MPC1: variants seen among roughly 807,000 people sequenced by gnomAD.
MPC1 encodes the protein mitochondrial pyruvate carrier 1.
MPC1 carries 6 observed loss-of-function variants against 13.9 expected under a neutral mutation model. The ratio of observed to expected loss-of-function variants is 0.43; its 90% CI spans 0.24 to 0.85. MPC1 has a LOEUF of 0.85. Among genes scored for constraint, MPC1 ranks in the 40% least tolerant of loss-of-function variants. The pLI, the probability that MPC1 is intolerant of heterozygous loss-of-function variation, is 0.24. For synonymous variants in MPC1, 47 were observed against 50.5 expected, an observed-to-expected ratio of 0.93 and a Z score of 0.29; for missense variants, 115 against 143.3, an observed-to-expected ratio of 0.80 and a Z score of 1.01.
In MPC1 at chr6:166,366,668, C is replaced by T. The variant is rs1779167094; in HGVS notation, c.172+127G>A. ...CTGACATAGAGAAGTAACACTCTTC[C>T]ATGCCATCACATTCTGTATGTGACT... is the stretch of plus-strand genomic sequence containing the variant. On this transcript the variant is annotated intron_variant, in intron 3 of 4. Coordinates refer to ENST00000360961, the MANE Select transcript of MPC1 (RefSeq NM_016098.4). 3.6e-6 allele frequency: 3 copies of T among 838,040 alleles called. No homozygotes were observed. In the African/African-American group the frequency reaches 5.1e-5, roughly 14 times the overall value. The allele number at this position is 838,040 out of a possible 1,614,324, so 51.9% of individuals were successfully genotyped here. A position where few individuals can be genotyped will look rare whatever the true frequency, so the allele number is the denominator to read the frequency against.
intron 1 of MPC1, among the ~76,000 whole-genome samples, chr6:166,373,838 G>A (rs1195285166): frequency 6.6e-6 from 1 of 151,436 alleles, no homozygotes; most frequent in East Asian, 2.0e-4. Context: ...GATGACATAC[G>A]ATGTAGAACA....
chr6:166,371,936 T>C (rs1779396221), intron 1 of MPC1, among the ~76,000 whole-genome samples: 1 of 152,208 alleles, frequency 6.6e-6, no homozygotes, highest in Admixed American at 6.5e-5. Flanking sequence ...CCTGAGTGAC[T>C]GAATCCATAG....
Position 166,370,278 on chromosome 6 carries a change from C to T in MPC1, c.72-57G>A, listed in dbSNP as rs772940340. The T allele has an allele frequency of 5.6e-6, 4 of 709,994 alleles. No homozygotes were observed. In the Admixed American group the frequency reaches 8.5e-5, roughly 15 times the overall value. The allele number at this position is 709,994 out of a possible 1,614,324, so 44.0% of individuals were successfully genotyped here. ...AGGACAGACATGGAAAAAAAAGAAA[C>T]AAAAATCAAATGATTTTGGTCTTAT... On this transcript the variant is annotated intron_variant, in intron 1 of 4. Coordinates refer to ENST00000360961, the MANE Select transcript of MPC1 (RefSeq NM_016098.4).
intron 1 of MPC1, among the ~76,000 whole-genome samples, chr6:166,378,417 CAT>C (rs1491119215): frequency 2.9e-4 from 25 of 86,320 alleles, no homozygotes; most frequent in Non-Finnish European, 3.3e-4. Flanking sequence ...TATACAAATA[CAT>C]GTGTGTGTGT....
At chr6:166,376,977 A>T (rs1295333500) in intron 1 of MPC1, among the ~76,000 whole-genome samples, 1 of 152,092 alleles carries the variant, frequency 6.6e-6, no homozygotes, top group African/African-American at 2.4e-5. Context: ...TAGTTGTATT[A>T]CTATTTACCA....
At chr6:166,368,942 A>G in intron 2 of MPC1, 2 of 985,450 alleles carry the variant, frequency 2.0e-6, no homozygotes, top group South Asian at 9.4e-5. Flanking sequence ...AGGGCTATAA[A>G]CAGAGCCTGA....
intron 1 of MPC1, among the ~76,000 whole-genome samples, chr6:166,380,518 T>C (rs1319309648): frequency 6.6e-6 from 1 of 152,236 alleles, no homozygotes; most frequent in Non-Finnish European, 1.5e-5. Context: ...AAAGGTTAGA[T>C]GATATACTGA....
At chr6:166,371,929 G>A (rs1359356112) in intron 1 of MPC1, among the ~76,000 whole-genome samples, 2 of 152,126 alleles carry the variant, frequency 1.3e-5, no homozygotes, top group South Asian at 2.1e-4. Flanking sequence ...AAATGGCCCT[G>A]AGTGACTGAA....
At chr6:166,366,755 T>G in intron 3 of MPC1, 40 bp downstream of exon 3, 1 of 1,579,082 alleles carries the variant, frequency 6.3e-7, no homozygotes, top group Non-Finnish European at 8.7e-7. Flanking sequence ...AGCTCTACTA[T>G]GTTGAAAGTC....
intron 2 of MPC1, 135 bp from the exon 3 acceptor site, chr6:166,367,026 A>G: frequency 1.3e-6 from 2 of 1,527,402 alleles, no homozygotes; most frequent in East Asian, 4.9e-5. Context: ...TTGCAGGTTT[A>G]CTGGGTTAAT....
intron 1 of MPC1, among the ~76,000 whole-genome samples, chr6:166,381,547 A>T (rs1380929403): frequency 1.3e-5 from 2 of 152,202 alleles, no homozygotes; most frequent in Non-Finnish European, 2.9e-5. Context: ...CTGTACACGT[A>T]CCTAGGTTTT....
At chr6:166,366,467 G>T (rs937418039) in intron 3 of MPC1, among the ~76,000 whole-genome samples, 8 of 152,116 alleles carry the variant, frequency 5.3e-5, no homozygotes, top group African/African-American at 1.9e-4. Flanking sequence ...TCAAATATCA[G>T]GGTTTCAAGT....
chr6:166,373,906 C>T (rs1030445819), intron 1 of MPC1, among the ~76,000 whole-genome samples: 4 of 152,180 alleles, frequency 2.6e-5, no homozygotes, highest in South Asian at 2.1e-4. Flanking sequence ...CATCTGAACA[C>T]GGAGAGGTAT....
At chr6:166,380,714 C>T (rs866634921) in intron 1 of MPC1, among the ~76,000 whole-genome samples, 126 of 152,054 alleles carry the variant, frequency 8.3e-4, no homozygotes, top group African/African-American at 2.8e-3. Context: ...CCGAGGTGGG[C>T]GGATCACCTG....
At chr6:166,375,666 T>C (rs550266318) in intron 1 of MPC1, among the ~76,000 whole-genome samples, 1 of 152,348 alleles carries the variant, frequency 6.6e-6, no homozygotes, top group South Asian at 2.1e-4. Flanking sequence ...CCCAGAGTTA[T>C]TTAGAAGTGT....
rs757282363 is a variant in MPC1 at position 166,382,918 on chromosome 6, T to G, written c.-42A>C. 2.6e-6 allele frequency: 4 copies of G among 1,567,988 alleles called. No individual in the cohort carries two copies. In the African/African-American group the frequency reaches 4.2e-5, roughly 17 times the overall value. ...GACCCCGAGTGGTCCCTGCCTCTGC[T>G]GCCGCTTCCCAGAGCCAATGACACC... On this transcript the variant is annotated 5_prime_UTR_variant, in exon 1 of 5. Coordinates refer to ENST00000360961, the MANE Select transcript of MPC1 (RefSeq NM_016098.4).
chr6:166,377,132 T>C (rs1392715101), intron 1 of MPC1, among the ~76,000 whole-genome samples: 1 of 144,184 alleles, frequency 6.9e-6, no homozygotes, highest in Non-Finnish European at 1.5e-5. Context: ...ATAATTACTA[T>C]TATTATTATT....
At chr6:166,378,926 G>A (rs117589602) in intron 1 of MPC1, among the ~76,000 whole-genome samples, 1 of 152,346 alleles carries the variant, frequency 6.6e-6, no homozygotes, top group Non-Finnish European at 1.5e-5. Context: ...TCACAAAGCT[G>A]GAAAGCAAGA....
At chr6:166,375,698 G>A (rs568573977) in intron 1 of MPC1, among the ~76,000 whole-genome samples, 12 of 152,202 alleles carry the variant, frequency 7.9e-5, no homozygotes, top group East Asian at 1.9e-4. Context: ...TCCAAGTATC[G>A]GGGATTTTCC....
Sources: gnomAD v4.1 joint callset for allele counts (sites outside exome capture counted in the v4.1 genomes callset) on GRCh38, gnomAD v4.1.1 for gene constraint, MANE v1.5 for transcripts, NCBI Gene and HGNC (gene_info 2026-07-23, HGNC 2026-07-21) for gene names.